Variants in COMMD7 observed in about 807,000 individuals in gnomAD.
The protein encoded by COMMD7 is COMM domain containing 7.
A neutral mutation model predicts 34.8 loss-of-function variants in COMMD7; 28 were observed. The ratio of observed to expected loss-of-function variants is 0.80; its 90% CI spans 0.60 to 1.10. The LOEUF (loss-of-function observed/expected upper bound fraction) is 1.10, where lower values mean the gene tolerates loss of function less well. COMMD7 is among the 50% of genes least tolerant of loss of function. COMMD7 has a pLI of 0.00. For missense variants in COMMD7, 211 were observed against 241.6 expected, an observed-to-expected ratio of 0.87 and a Z score of 0.84; for synonymous variants, 80 against 86.4, an observed-to-expected ratio of 0.93 and a Z score of 0.41.
At chr20:32,733,157 G>A (rs1007984100) in intron 1 of COMMD7, among the ~76,000 whole-genome samples, 1 of 151,888 alleles carries the variant, frequency 6.6e-6, no homozygotes, top group African/African-American at 2.4e-5. Context: ...GGAGGCTACA[G>A]CAAGCTGAGA....
chr20:32,711,231 C>T (rs1215216614), intron 3 of COMMD7, among the ~76,000 whole-genome samples: 3 of 151,770 alleles, frequency 2.0e-5, no homozygotes, highest in East Asian at 3.9e-4. Flanking sequence ...ACCCCGTCTC[C>T]ACTAAAAATA....
intron 1 of COMMD7, among the ~76,000 whole-genome samples, chr20:32,736,214 T>C (rs1175272028): frequency 2.0e-5 from 3 of 152,144 alleles, no homozygotes; most frequent in African/African-American, 7.2e-5. Context: ...GTTCACACAA[T>C]GATTCGTTTT....
Position 32,722,648 on chromosome 20 carries a change from C to T in COMMD7, c.241+5245G>A, listed in dbSNP as rs182928357. On this transcript the variant is annotated intron_variant, in intron 3 of 8. Coordinates refer to ENST00000278980, the MANE Select transcript of COMMD7 (RefSeq NM_053041.3). ...CTGAGTCAGAAGAATCACTTGAACC[C>T]GGGAGGTGGAGGTTGCAGTGAGCCG... 4.5e-3 allele frequency among the ~76,000 whole-genome samples: 667 copies of T among 149,288 alleles called. 3 individuals carry two copies. The highest frequency in any genetic ancestry group is 0.016 in the African/African-American group (630 of 40,594).
At chr20:32,704,510 A>AGAG (rs774296487) in intron 6 of COMMD7, 21 bp from the exon 7 acceptor site, 10 of 1,133,576 alleles carry the variant, frequency 8.8e-6, no homozygotes, top group African/African-American at 3.2e-5. Flanking sequence ...AAAAAAAAAA[A>AGAG]AGAGAGAGAG....
chr20:32,737,856 TGAGTC>T (rs1197469052), intron 1 of COMMD7, among the ~76,000 whole-genome samples: 2 of 128,774 alleles, frequency 1.6e-5, no homozygotes, highest in Admixed American at 1.5e-4. Flanking sequence ...AAAAAGAAAA[TGAGTC>T]AAGTGCTGAT....
rs142278864 is a variant in COMMD7, at chr20:32,730,329, C to T, written c.85-2187G>A. Among the ~76,000 whole-genome samples, 371 of 152,016 alleles carry T rather than the reference C, an allele frequency of 2.4e-3. 3 individuals carry two copies. The highest frequency in any genetic ancestry group is 8.6e-3 in the African/African-American group (356 of 41,484). On this transcript the variant is annotated intron_variant, in intron 1 of 8. Coordinates refer to ENST00000278980, the MANE Select transcript of COMMD7 (RefSeq NM_053041.3). ...CAGCACTTTCAGAGGCTGAGGTTGGCGGATCATTTGAGGTCGGGAGTTCAA... is the reference window on the plus strand; with the variant it reads ...CAGCACTTTCAGAGGCTGAGGTTGGTGGATCATTTGAGGTCGGGAGTTCAA...
At chr20:32,726,049 C>T (rs1341651506) in intron 3 of COMMD7, among the ~76,000 whole-genome samples, 1 of 85,290 alleles carries the variant, frequency 1.2e-5, no homozygotes, top group African/African-American at 4.9e-5. Context: ...GGCAACAGAG[C>T]AAAAGCCTGT....
intron 3 of COMMD7, among the ~76,000 whole-genome samples, chr20:32,716,855 G>GT (rs1308292185): frequency 7.1e-6 from 1 of 140,176 alleles, no homozygotes; most frequent in African/African-American, 2.6e-5. Flanking sequence ...CCATGGGTTA[G>GT]TAACTTTTTT....
Position 32,708,982 on chromosome 20 carries a change from C to A in COMMD7, c.242-2222G>T, listed in dbSNP as rs892427863. 9.9e-5 allele frequency among the ~76,000 whole-genome samples: 15 copies of A among 152,002 alleles called. No homozygotes were observed. In the East Asian group the frequency reaches 2.3e-3, roughly 24 times the overall value. The stretch of plus-strand genomic sequence containing the variant: ...CCACCATGCCCAGCTATTATTTTAA[C>A]TTAGTTTACCAGGAAACATTAAGCA... On this transcript the variant is annotated intron_variant, in intron 3 of 8. Transcript: ENST00000278980.
chr20:32,727,816 T>G lies in COMMD7; in HGVS notation c.241+77A>C, dbSNP rs1168249867. On this transcript the variant is annotated intron_variant, in intron 3 of 8. Transcript: ENST00000278980. ...ACGCTCTGGCTTGGCCCACGGAGCA[T>G]GCTTCAATGACTCCATGGACTAAAG... is the stretch of plus-strand genomic sequence containing the variant. The G allele has an allele frequency of 4.9e-6, 6 of 1,218,540 alleles. No individual in the cohort carries two copies. The East Asian group carries it at 1.4e-4, about 28-fold the overall frequency. 75.5% of individuals were successfully genotyped at this position (1,218,540 alleles called of 1,614,324 possible).
chr20:32,713,085 G>A (rs927494698), intron 3 of COMMD7, among the ~76,000 whole-genome samples: 2 of 104,686 alleles, frequency 1.9e-5, no homozygotes, highest in Non-Finnish European at 4.0e-5. Flanking sequence ...TTTCACTTTT[G>A]TTGCCCAGGC....
intron 1 of COMMD7, among the ~76,000 whole-genome samples, chr20:32,742,084 A>T (rs530771174): frequency 4.7e-4 from 71 of 152,020 alleles, no homozygotes; most frequent in Non-Finnish European, 6.8e-4. Flanking sequence ...GTTACTCGGG[A>T]GACTGAGACA....
chr20:32,714,516 C>G (rs142582704), intron 3 of COMMD7, among the ~76,000 whole-genome samples: 1 of 151,228 alleles, frequency 6.6e-6, no homozygotes, highest in African/African-American at 2.4e-5. Flanking sequence ...GGTGAAACCC[C>G]GTCTCTACTA....
At chr20:32,727,350 C>T (rs1985567846) in intron 3 of COMMD7, among the ~76,000 whole-genome samples, 2 of 151,580 alleles carry the variant, frequency 1.3e-5, no homozygotes, top group Admixed American at 1.3e-4. Flanking sequence ...GGATCATGAC[C>T]ATCTTGGCCA....
At chr20:32,713,987 C>T (rs927774890) in intron 3 of COMMD7, among the ~76,000 whole-genome samples, 20 of 152,150 alleles carry the variant, frequency 1.3e-4, no homozygotes, top group African/African-American at 4.8e-4. Context: ...GTGGTGAGCG[C>T]CTGTAATCGC....
Position 32,710,868 on chromosome 20 carries a change from T to C in COMMD7, c.242-4108A>G, listed in dbSNP as rs143243562. On this transcript the variant is annotated intron_variant, in intron 3 of 8. Transcript: ENST00000278980. ...CTGAGGTGAGAGGATTGCTTGAGGC[T>C]AGGAATTTGAGACTAGCCTGGGCAT... Among the ~76,000 whole-genome samples, 11 of 151,676 alleles carry C rather than the reference T, an allele frequency of 7.3e-5. No homozygotes were observed. In the Middle Eastern group the frequency reaches 0.014, roughly 189 times the overall value.
At chr20:32,718,075 C>T (rs556609521) in intron 3 of COMMD7, among the ~76,000 whole-genome samples, 1 of 144,568 alleles carries the variant, frequency 6.9e-6, no homozygotes, top group East Asian at 2.0e-4. Flanking sequence ...GGCGACAGAG[C>T]GAGACTGCCT....
chr20:32,717,576 T>G (rs1464779882), intron 3 of COMMD7, among the ~76,000 whole-genome samples: 1 of 151,968 alleles, frequency 6.6e-6, no homozygotes, highest in Non-Finnish European at 1.5e-5. Flanking sequence ...TCCGCCCACC[T>G]CAGCCTCCCA....
rs187055802 is a variant in COMMD7 at position 32,733,678 on chromosome 20, T to C, written c.85-5536A>G. Among the ~76,000 whole-genome samples the C allele has an allele frequency of 3.9e-3, 577 of 146,978 alleles. 3 individuals are homozygous for C. Among genetic ancestry groups the C allele is most frequent in the Non-Finnish European group, 6.5e-3 (439 of 67,236 alleles). Reference sequence around the variant, plus strand: ...GTTGCAGTGAGCCGAGATTGCACCATTGCACTCCAACCTGGGCGACAGGGC... The same window carrying C: ...GTTGCAGTGAGCCGAGATTGCACCACTGCACTCCAACCTGGGCGACAGGGC... On this transcript the variant is annotated intron_variant, in intron 1 of 8. Coordinates refer to ENST00000278980, the MANE Select transcript of COMMD7 (RefSeq NM_053041.3).
Sources: gnomAD v4.1 joint callset for allele counts (sites outside exome capture counted in the v4.1 genomes callset) on GRCh38, gnomAD v4.1.1 for gene constraint, MANE v1.5 for transcripts, NCBI Gene and HGNC (gene_info 2026-07-23, HGNC 2026-07-21) for gene names.